The following ZNF292 variants were observed in gnomAD, a reference collection of about 807,000 sequenced individuals.
ZNF292 encodes the protein 16 zinc-finger domain protein.
In ZNF292, 26 loss-of-function variants were observed where a neutral mutation model predicts 217.9. The ratio of observed to expected loss-of-function variants is 0.12; its 90% CI spans 0.09 to 0.17. The LOEUF is 0.17. Among genes scored for constraint, ZNF292 ranks in the 10% least tolerant of loss-of-function variants. The pLI is 1.00. For synonymous variants in ZNF292, 1,257 were observed against 1,124.1 expected (o/e 1.12, Z -2.37); for missense variants, 2,904 against 3,175.2 (o/e 0.91, Z 2.05).
intron 5 of ZNF292, among the ~76,000 whole-genome samples, chr6:87,240,076 G>A (rs1774185292): frequency 6.6e-6 from 1 of 152,176 alleles, no homozygotes; most frequent in Non-Finnish European, 1.5e-5. Flanking sequence ...AGCACTGAGT[G>A]AACGAGACTC....
At chr6:87,228,944 CA>C (rs34378513) in intron 4 of ZNF292, among the ~76,000 whole-genome samples, 18,951 of 149,618 alleles carry the variant, frequency 0.13, 1,373 homozygotes, top group African/African-American at 0.2. Context: ...TCTATTTCTG[CA>C]AAAAAAAATG....
intron 5 of ZNF292, among the ~76,000 whole-genome samples, chr6:87,241,810 A>G (rs1774302336): frequency 6.6e-6 from 1 of 152,206 alleles, no homozygotes; most frequent in Non-Finnish European, 1.5e-5. Context: ...CCCCCAATTT[A>G]TGATCGTTCA....
chr6:87,203,423 G>T lies in ZNF292; in HGVS notation c.169-12480G>T, dbSNP rs377739100. 9.9e-5 allele frequency among the ~76,000 whole-genome samples: 15 copies of T among 152,162 alleles called. No homozygotes were observed. In the East Asian group the frequency reaches 2.5e-3, roughly 25 times the overall value. ...CTACCAAAGTGCTGGGATTACAAGT[G>T]TGAGCCACTGTGCTGAGCGATTTTC... On this transcript the variant is annotated intron_variant, in intron 1 of 7. Transcript: ENST00000369577.
Position 87,243,619 on chromosome 6 carries a change from G to T in ZNF292, c.878+8G>T. The T allele has an allele frequency of 1.4e-6, 2 of 1,444,598 alleles. No homozygotes were observed. Among genetic ancestry groups the T allele is most frequent in the East Asian group, 2.6e-5 (1 of 38,914 alleles). The allele number at this position is 1,444,598 out of a possible 1,614,324, so 89.5% of individuals were successfully genotyped here. A position where few individuals can be genotyped will look rare whatever the true frequency, so the allele number is the denominator to read the frequency against. On this transcript the variant is annotated splice_region_variant and intron_variant, in intron 6 of 7. Transcript: ENST00000369577. ...AGATATGTACTGCGCTTGGTGAGTT[G>T]ATCTTTTTTTTTTTAAAGAAATATT...
chr6:87,245,007 G>A (rs1774499245), intron 6 of ZNF292, among the ~76,000 whole-genome samples: 1 of 152,078 alleles, frequency 6.6e-6, no homozygotes, highest in South Asian at 2.1e-4. Context: ...GTGGGTGGCC[G>A]AGGTGGGCGG....
Position 87,257,110 on chromosome 6 carries a change from G to T in ZNF292, c.3481G>T (p.Val1161Leu), listed in dbSNP as rs767311331. The T allele has an allele frequency of 6.2e-7, 1 of 1,613,852 alleles. No homozygotes were observed. Among genetic ancestry groups the T allele is most frequent in the South Asian group, 1.1e-5 (1 of 91,076 alleles). ...GKFVYFLPSP[V>L]NSSNPFFTSQ... ...GTTTGTTTATTTTTTGCCATCACCG[G>T]TGAACAGCTCAAATCCATTTTTTAC... The change falls in exon 8 of 8, where the codon GTG (valine) becomes TTG (leucine). Residue 1161 changes from valine to leucine, a missense_variant. By Grantham distance (32) the Val-to-Leu change is conservative. Around this residue, in one of 15 missense-constraint regions of ZNF292, gnomAD observed 687 missense variants for 623.0 expected, o/e 1.10. Coordinates refer to ENST00000369577, the MANE Select transcript of ZNF292 (RefSeq NM_015021.3).
At position 87,161,945 on chromosome 6, in the gene ZNF292, T is replaced by TC. The variant is rs545737334; in HGVS notation, c.168+6192dup. Among the ~76,000 whole-genome samples the TC allele has an allele frequency of 7.0e-3, 1,066 of 152,236 alleles. 6 individuals are homozygous for TC. Among genetic ancestry groups the TC allele is most frequent in the South Asian group, 0.011 (55 of 4,824 alleles). ...TAACTACACTGTATCTTGCTTTCCCTCCCCCCAAAAGCATCTTCTAGCTCA... is the reference window on the plus strand; with the variant it reads ...TAACTACACTGTATCTTGCTTTCCCTCCCCCCCAAAAGCATCTTCTAGCTCA... On this transcript the variant is annotated intron_variant, in intron 1 of 7. Coordinates refer to ENST00000369577, the MANE Select transcript of ZNF292 (RefSeq NM_015021.3).
At position 87,218,708 on chromosome 6, in the gene ZNF292, A is replaced by G. The variant is rs375133485; in HGVS notation, c.515A>G (p.Gln172Arg). Residue 172 changes from glutamine (Q) to arginine (R), a missense_variant, in exon 4 of 8, where the codon CAG becomes CGG. Coordinates refer to ENST00000369577, the MANE Select transcript of ZNF292 (RefSeq NM_015021.3). ...CCGGTACTGTGCACTATTCTTTCCC[A>G]GGAACCATTGGATAAGGATAAAGGT... is the stretch of plus-strand genomic sequence containing the variant. ...KNPVLCTILS[Q>R]EPLDKDKVNE... is the part of the protein sequence containing the mutation. The G allele has an allele frequency of 7.6e-5, 121 of 1,592,284 alleles. No individual in the cohort carries two copies. Among genetic ancestry groups the G allele is most frequent in the Non-Finnish European group, 8.7e-5 (102 of 1,171,606 alleles).
intron 1 of ZNF292, among the ~76,000 whole-genome samples, chr6:87,195,728 T>G (rs115595456): frequency 6.6e-6 from 1 of 151,840 alleles, no homozygotes; most frequent in African/African-American, 2.4e-5. Flanking sequence ...TTTGAAACAT[T>G]AGAAAAATTG....
At position 87,256,595 on chromosome 6, in the gene ZNF292, G is replaced by T. The variant is rs199697708; in HGVS notation, c.2966G>T (p.Arg989Ile). ...TTGTGTCATCCAGGTTTCCAGGAGA[G>T]AAAAGAACAAGATTGCTTTAATGAT... ...NDLCHPGFQE[R>I]KEQDCFNDAH... Residue 989 changes from arginine to isoleucine, a missense_variant, in exon 8 of 8, where the codon AGA becomes ATA. Coordinates refer to ENST00000369577, the MANE Select transcript of ZNF292 (RefSeq NM_015021.3). 25 of 1,613,470 alleles carry T rather than the reference G, an allele frequency of 1.5e-5. No homozygotes were observed. Among genetic ancestry groups the T allele is most frequent in the Non-Finnish European group, 8.5e-7 (1 of 1,179,836 alleles).
At position 87,258,963 on chromosome 6, in the gene ZNF292, G is replaced by T. The variant is rs1562190401; in HGVS notation, c.5334G>T (p.Gln1778His). The T allele has an allele frequency of 6.2e-7, 1 of 1,613,118 alleles. No individual in the cohort carries two copies. The highest frequency in any genetic ancestry group is 8.5e-7 in the Non-Finnish European group (1 of 1,179,488). Residue 1778 changes from glutamine to histidine, a missense_variant, in exon 8 of 8, where the codon CAG (glutamine) becomes CAT (histidine). Physicochemically the swap from Gln to His is conservative, Grantham distance 24. Transcript: ENST00000369577. ...TACTTGAGGTAAAAAGTGGATCTCA[G>T]GGTGCTGGTGAAACTTCACAAAATG... Reference protein sequence around the residue: ...SQILEVKSGSQGAGETSQNAQ... With the variant: ...SQILEVKSGSHGAGETSQNAQ...
chr6:87,201,748 G>A (rs1048524472), intron 1 of ZNF292, among the ~76,000 whole-genome samples: 10 of 152,164 alleles, frequency 6.6e-5, no homozygotes, highest in African/African-American at 2.4e-4. Context: ...TCAGTTACTT[G>A]TCCATATAGG....
At chr6:87,212,563 A>G (rs1772542524) in intron 1 of ZNF292, among the ~76,000 whole-genome samples, 1 of 152,242 alleles carries the variant, frequency 6.6e-6, no homozygotes, top group Non-Finnish European at 1.5e-5. Context: ...GCTTTGTGCT[A>G]AGAACCTAGG....
intron 1 of ZNF292, among the ~76,000 whole-genome samples, chr6:87,182,179 C>G (rs541098406): frequency 6.6e-6 from 1 of 152,106 alleles, no homozygotes; most frequent in Non-Finnish European, 1.5e-5. Flanking sequence ...GTTATTCACT[C>G]TAGTGGAATA....
chr6:87,247,069 C>T (rs569128655), intron 7 of ZNF292, among the ~76,000 whole-genome samples: 12 of 151,576 alleles, frequency 7.9e-5, no homozygotes, highest in South Asian at 6.3e-4. Flanking sequence ...ACACAGGAAT[C>T]GCTTGAGCCC....
chr6:87,243,441 T>G (rs1256145622), intron 5 of ZNF292, 34 bp from the exon 6 acceptor site: 15 of 1,512,136 alleles, frequency 9.9e-6, no homozygotes, highest in Non-Finnish European at 1.1e-5. Flanking sequence ...TATAAAACCA[T>G]TTTGTGGCAT....
At position 87,233,530 on chromosome 6, in the gene ZNF292, G is replaced by A. The variant is rs1773755112; in HGVS notation, c.741+3G>A. The stretch of plus-strand genomic sequence containing the variant: ...CAAATGGAAAGTTAATCGAAGAGGT[G>A]AGTATGTTTTCTTTCATTAGTAATT... On this transcript the variant is annotated splice_donor_region_variant and intron_variant, in intron 5 of 7. Coordinates refer to ENST00000369577, the MANE Select transcript of ZNF292 (RefSeq NM_015021.3). The A allele has an allele frequency of 6.3e-7, 1 of 1,599,278 alleles. No homozygotes were observed. Among genetic ancestry groups the A allele is most frequent in the Non-Finnish European group, 8.5e-7 (1 of 1,172,514 alleles).
At chr6:87,208,416 A>T (rs1293876674) in intron 1 of ZNF292, among the ~76,000 whole-genome samples, 1 of 151,978 alleles carries the variant, frequency 6.6e-6, no homozygotes, top group East Asian at 1.9e-4. Flanking sequence ...TATTCTTTAA[A>T]TTTTAAAATC....
chr6:87,259,726 C>T lies in ZNF292; in HGVS notation c.6097C>T (p.His2033Tyr), dbSNP rs1427856582. The T allele has an allele frequency of 3.1e-6, 5 of 1,603,456 alleles. No individual in the cohort carries two copies. The highest frequency in any genetic ancestry group is 1.7e-5 in the Admixed American group (1 of 58,218). Residue 2033 changes from histidine (H) to tyrosine (Y), a missense_variant, in exon 8 of 8, where the codon CAC (histidine) becomes TAC (tyrosine). By Grantham distance (83) the His-to-Tyr change is moderately conservative. Around this residue, in one of 15 missense-constraint regions of ZNF292, gnomAD observed 261 missense variants for 272.8 expected, o/e 0.96. Coordinates refer to ENST00000369577, the MANE Select transcript of ZNF292 (RefSeq NM_015021.3). ...ATTGAGAGCAGAGACCCAAAATACC[C>T]ACAGTAATGTAGCAGTGATCCCAGA... ...LELRAETQNT[H>Y]SNVAVIPEKQ... is the part of the protein sequence containing the mutation.
Sources: allele counts gnomAD v4.1 joint callset (sites outside exome capture counted in the v4.1 genomes callset), GRCh38; gene constraint gnomAD v4.1.1; regional missense constraint gnomAD v4.1.1; transcripts MANE v1.5; gene names NCBI Gene and HGNC (gene_info 2026-07-23, HGNC 2026-07-21).